The following PDE4D variants were observed in gnomAD, a reference collection of about 807,000 sequenced individuals.
PDE4D encodes the protein 3',5'-cyclic-AMP phosphodiesterase 4D.
In PDE4D, 24 loss-of-function variants were observed where a neutral mutation model predicts 87.4. The observed-to-expected ratio is 0.27, with a 90% CI of 0.20 to 0.39. PDE4D has a LOEUF of 0.39. PDE4D is among the 10% of genes least tolerant of loss of function. The pLI is 1.00. For synonymous variants in PDE4D, 384 were observed against 383.2 expected (o/e 1.00, Z -0.02); for missense variants, 714 against 1,041.0 (o/e 0.69, Z 4.32).
chr5:59,055,534 T>G (rs1762206572), intron 5 of PDE4D, among the ~76,000 whole-genome samples: 1 of 152,136 alleles, frequency 6.6e-6, no homozygotes, highest in African/African-American at 2.4e-5. Flanking sequence ...TGCATACTTG[T>G]TCATGCTGGG....
In PDE4D at chr5:59,156,847, G is replaced by A. The variant is rs902664809; in HGVS notation, c.808+23748C>T. On this transcript the variant is annotated intron_variant, in intron 5 of 14. Coordinates refer to ENST00000340635, the MANE Select transcript of PDE4D (RefSeq NM_001104631.2). ...AATATATACACAGCAACTAGAGAAC[G>A]AATAGAGATTTCTTGGAACAGAATG... Among the ~76,000 whole-genome samples the A allele has an allele frequency of 9.2e-5, 14 of 151,988 alleles. 1 individual carries two copies. The highest frequency in any genetic ancestry group is 1.3e-4 in the Admixed American group (2 of 15,268).
intron 1 of PDE4D, among the ~76,000 whole-genome samples, chr5:59,548,688 T>C (rs944091462): frequency 6.6e-6 from 1 of 152,050 alleles, no homozygotes; most frequent in Non-Finnish European, 1.5e-5. Context: ...CAGATGGTCA[T>C]GAAAGGTCTT....
intron 1 of PDE4D, among the ~76,000 whole-genome samples, chr5:59,568,545 C>A (rs1821317209): frequency 6.6e-6 from 1 of 152,018 alleles, no homozygotes; most frequent in Admixed American, 6.6e-5. Flanking sequence ...AAAAACCTGA[C>A]CAAATCCACC....
chr5:59,918,175 A>T (rs58105291), intron 3 of PDE4D, among the ~76,000 whole-genome samples: 3,474 of 152,210 alleles, frequency 0.023, 136 homozygotes, highest in African/African-American at 0.08. Context: ...AAATAACATT[A>T]AAAAAATAAG....
At chr5:59,852,487 C>T (rs1023247916) in intron 1 of PDE4D, among the ~76,000 whole-genome samples, 2 of 152,038 alleles carry the variant, frequency 1.3e-5, no homozygotes, top group African/African-American at 2.4e-5. Context: ...CTCCCCCCAA[C>T]AGCAGGCACT....
At chr5:59,201,457 G>T (rs1421653650) in intron 2 of PDE4D, among the ~76,000 whole-genome samples, 1 of 151,918 alleles carries the variant, frequency 6.6e-6, no homozygotes, top group Non-Finnish European at 1.5e-5. Context: ...TGTTCACTCT[G>T]ACAAATTATA....
At chr5:60,245,355 A>G (rs1747639731) in intron 1 of PDE4D, among the ~76,000 whole-genome samples, 2 of 151,956 alleles carry the variant, frequency 1.3e-5, no homozygotes, top group Non-Finnish European at 2.9e-5. Context: ...TAGTACAACC[A>G]CTGTGGAGAA....
chr5:59,163,299 G>A (rs1781432541), intron 5 of PDE4D, among the ~76,000 whole-genome samples: 1 of 136,266 alleles, frequency 7.3e-6, no homozygotes, highest in African/African-American at 2.8e-5. Context: ...TTTTGAGACA[G>A]TTTCACTTTT....
chr5:60,464,037 C>A (rs140575408), intron 1 of PDE4D, among the ~76,000 whole-genome samples: 1 of 152,262 alleles, frequency 6.6e-6, no homozygotes, highest in East Asian at 1.9e-4. Flanking sequence ...CTCTCTCCCC[C>A]TCCCCATCCC....
At chr5:59,459,010 T>C (rs1039407565) in intron 1 of PDE4D, among the ~76,000 whole-genome samples, 3 of 152,354 alleles carry the variant, frequency 2.0e-5, no homozygotes, top group Middle Eastern at 3.4e-3. Flanking sequence ...TGTATTTTCC[T>C]TCATGATTGA....
At chr5:60,091,961 G>C (rs185300469) in intron 2 of PDE4D, among the ~76,000 whole-genome samples, 192 of 143,364 alleles carry the variant, frequency 1.3e-3, no homozygotes, top group African/African-American at 4.7e-3. Context: ...TGAGGCAGGA[G>C]AATGGCGTGA....
intron 1 of PDE4D, among the ~76,000 whole-genome samples, chr5:59,645,010 T>C (rs1742215476): frequency 6.6e-6 from 1 of 152,228 alleles, no homozygotes; most frequent in Admixed American, 6.5e-5. Flanking sequence ...ACTGGAGTGA[T>C]TTAAAGAAGT....
chr5:59,653,884 AGAG>A (rs1211723834), intron 1 of PDE4D, among the ~76,000 whole-genome samples: 7 of 121,166 alleles, frequency 5.8e-5, no homozygotes, highest in East Asian at 2.7e-4. Context: ...AGAGAAGGGG[AGAG>A]GAGAAGGGTG....
chr5:60,210,122 G>A (rs1420912836), intron 1 of PDE4D, among the ~76,000 whole-genome samples: 1 of 151,980 alleles, frequency 6.6e-6, no homozygotes, highest in Admixed American at 6.5e-5. Flanking sequence ...AAATAATACT[G>A]CCAGTTTCCT....
intron 1 of PDE4D, among the ~76,000 whole-genome samples, chr5:60,246,236 T>C (rs1187992585): frequency 6.6e-6 from 1 of 151,866 alleles, no homozygotes; most frequent in Non-Finnish European, 1.5e-5. Flanking sequence ...GTTTTAAATA[T>C]TTTCTAATTT....
intron 3 of PDE4D, among the ~76,000 whole-genome samples, chr5:59,187,364 T>C (rs543235589): frequency 6.6e-6 from 1 of 152,190 alleles, no homozygotes; most frequent in Non-Finnish European, 1.5e-5. Context: ...CAAAAGAGTA[T>C]AAAGCAAAAA....
At chr5:60,152,380 G>A (rs970276514) in intron 2 of PDE4D, among the ~76,000 whole-genome samples, 3 of 152,124 alleles carry the variant, frequency 2.0e-5, no homozygotes, top group Admixed American at 2.0e-4. Context: ...GGGGCCAGGT[G>A]TGGTGGCTCA....
chr5:60,513,415 T>C (rs1460401991), intron 1 of PDE4D, among the ~76,000 whole-genome samples: 1 of 152,088 alleles, frequency 6.6e-6, no homozygotes, highest in East Asian at 1.9e-4. Context: ...ATGCTCCTAA[T>C]AACAGAGGCT....
At chr5:59,456,500 C>G in intron 1 of PDE4D, among the ~76,000 whole-genome samples, 1 of 152,126 alleles carries the variant, frequency 6.6e-6, no homozygotes, top group Admixed American at 6.6e-5. Context: ...ATTTCTTTAT[C>G]AACAGCATGA....
Sources: allele counts gnomAD v4.1 joint callset (sites outside exome capture counted in the v4.1 genomes callset), GRCh38; gene constraint gnomAD v4.1.1; transcripts MANE v1.5; gene names NCBI Gene and HGNC (gene_info 2026-07-23, HGNC 2026-07-21).